NCOA2: variants seen among roughly 807,000 people sequenced by gnomAD.
NCOA2 encodes nuclear receptor coactivator 2, also known as class E basic helix-loop-helix protein 75.
Under a neutral mutation model 145.1 loss-of-function variants are expected in NCOA2, and 21 were observed. That is an observed-to-expected ratio of 0.14 (90% CI 0.10 to 0.21). The LOEUF (loss-of-function observed/expected upper bound fraction) is 0.21. NCOA2 is among the 10% of genes least tolerant of loss of function. The pLI is 1.00. For synonymous variants in NCOA2, 619 were observed against 637.5 expected (o/e 0.97, Z 0.44); for missense variants, 1,472 against 1,837.6 (o/e 0.80, Z 3.64).
At chr8:70,441,334 G>GT in the NCOA2 span, among the ~76,000 whole-genome samples, 5 of 137,094 alleles carry the variant, frequency 3.6e-5, no homozygotes, top group Admixed American at 3.8e-4. Flanking sequence ...GAGAAAGAAA[G>GT]AGGAAAGAAA....
chr8:70,355,896 T>C (rs1809643285), intron 1 of NCOA2, among the ~76,000 whole-genome samples: 1 of 152,214 alleles, frequency 6.6e-6, no homozygotes, highest in Non-Finnish European at 1.5e-5. Context: ...TTTCTCATAC[T>C]TCTACTTATA....
intron 1 of NCOA2, among the ~76,000 whole-genome samples, chr8:70,341,938 C>G (rs1002653803): frequency 6.6e-6 from 1 of 152,188 alleles, no homozygotes; most frequent in Non-Finnish European, 1.5e-5. Context: ...ATACACATCT[C>G]TTTTTATCTA....
chr8:70,261,107 T>C (rs1824081865), intron 2 of NCOA2, among the ~76,000 whole-genome samples: 1 of 152,220 alleles, frequency 6.6e-6, no homozygotes, highest in South Asian at 2.1e-4. Flanking sequence ...ACTGGGCATA[T>C]ACCCAAAGGA....
intron 18 of NCOA2, 37 bp from the exon 19 acceptor site, chr8:70,127,084 G>A (rs771213504): frequency 1.8e-5 from 26 of 1,440,456 alleles, no homozygotes; most frequent in Non-Finnish European, 2.5e-5. Context: ...AAAATGTCGG[G>A]GACAGACATA....
intron 2 of NCOA2, among the ~76,000 whole-genome samples, chr8:70,270,555 C>T (rs567063401): frequency 2.0e-5 from 3 of 146,904 alleles, no homozygotes; most frequent in East Asian, 2.0e-4. Context: ...GTGCTGTAGT[C>T]GGGGTGGCTG....
intron 2 of NCOA2, among the ~76,000 whole-genome samples, chr8:70,284,839 GAGGGAGA>G (rs555064786): frequency 3.4e-5 from 5 of 146,988 alleles, no homozygotes; most frequent in Non-Finnish European, 6.0e-5. Context: ...AGACAGGAGA[GAGGGAGA>G]AGGGAGAAGG....
rs1163131953 is a variant in NCOA2 at position 70,156,492 on chromosome 8, T to G, written c.1873A>C (p.Arg625=). The change falls in exon 11 of 23, where the codon AGA becomes CGA. Residue 625 remains arginine (R), a synonymous_variant. Transcript: ENST00000452400. Reference sequence around the variant, plus strand: ...TGCAGTCTGCTCTGCCCGTCAGCTCTCTCACTGCTCACGGCCGGGGGCAGG... The same window carrying G: ...TGCAGTCTGCTCTGCCCGTCAGCTCGCTCACTGCTCACGGCCGGGGGCAGG... The part of the protein sequence containing the change: ...PNLPPAVSSE[R]ADGQSRLHDS... 2 of 1,613,914 alleles carry G rather than the reference T, an allele frequency of 1.2e-6. No homozygotes were observed. Among genetic ancestry groups the G allele is most frequent in the South Asian group, 2.2e-5 (2 of 91,078 alleles).
At chr8:70,285,747 A>G (rs1826187770) in intron 2 of NCOA2, among the ~76,000 whole-genome samples, 1 of 152,206 alleles carries the variant, frequency 6.6e-6, no homozygotes, top group Non-Finnish European at 1.5e-5. Context: ...ATGCACTATC[A>G]TTGCTCCAGA....
At position 70,212,066 on chromosome 8, in the gene NCOA2, C is replaced by CATATAT. The variant is rs36215324; in HGVS notation, c.259+1831_259+1836dup. ...CTTGTGCAAGACCTTCTTTGTGGCGCATATATATATATATATATATATATA... is the reference window on the plus strand; with the variant it reads ...CTTGTGCAAGACCTTCTTTGTGGCGCATATATATATATATATATATATATATATATA... On this transcript the variant is annotated intron_variant, in intron 4 of 22. Coordinates refer to ENST00000452400, the MANE Select transcript of NCOA2 (RefSeq NM_006540.4). Among the ~76,000 whole-genome samples, 625 of 144,318 alleles carry CATATAT rather than the reference C, an allele frequency of 4.3e-3. 10 individuals are homozygous for CATATAT. In the East Asian group the frequency reaches 0.062, roughly 14 times the overall value. The allele number at this position is 144,318 out of a possible 152,430, so 94.7% of individuals were successfully genotyped here.
intron 1 of NCOA2, among the ~76,000 whole-genome samples, chr8:70,340,514 A>G (rs569035906): frequency 6.6e-6 from 1 of 152,316 alleles, no homozygotes; most frequent in South Asian, 2.1e-4. Context: ...AATTAGTTCA[A>G]CCATTGTGGA....
chr8:70,349,214 A>T (rs140253232), intron 1 of NCOA2, among the ~76,000 whole-genome samples: 7 of 152,212 alleles, frequency 4.6e-5, no homozygotes, highest in African/African-American at 1.7e-4. Flanking sequence ...ATCAAGCAAA[A>T]ACAAACAAAA....
intron 2 of NCOA2, among the ~76,000 whole-genome samples, chr8:70,274,502 T>A (rs970786392): frequency 6.6e-6 from 1 of 152,192 alleles, no homozygotes; most frequent in East Asian, 1.9e-4. Context: ...GTTATTTTTT[T>A]AAACTAATTA....
At chr8:70,169,501 C>T (rs891833035) in intron 6 of NCOA2, among the ~76,000 whole-genome samples, 4 of 152,198 alleles carry the variant, frequency 2.6e-5, no homozygotes, top group Admixed American at 6.5e-5. Context: ...ACTCAAAATA[C>T]GCTGAATCTC....
At chr8:70,170,448 G>A in intron 5 of NCOA2, 69 bp from the exon 6 acceptor site, 1 of 1,295,556 alleles carries the variant, frequency 7.7e-7, no homozygotes, top group Non-Finnish European at 1.0e-6. Flanking sequence ...GTTAAGAAGG[G>A]AATGATCCCT....
chr8:70,388,578 G>A (rs570900817), intron 1 of NCOA2, among the ~76,000 whole-genome samples: 9 of 152,198 alleles, frequency 5.9e-5, no homozygotes, highest in Non-Finnish European at 1.2e-4. Context: ...TTCCCTAAGC[G>A]TAAGGTCTTC....
At chr8:70,155,608 T>C (rs1195168834) in intron 11 of NCOA2, among the ~76,000 whole-genome samples, 1 of 152,232 alleles carries the variant, frequency 6.6e-6, no homozygotes, top group Non-Finnish European at 1.5e-5. Context: ...AATTTCAGTG[T>C]CTATAAGCAA....
Position 70,221,998 on chromosome 8 carries a change from C to T in NCOA2, c.-19-5234G>A, listed in dbSNP as rs1001747202. On this transcript the variant is annotated intron_variant, in intron 2 of 22. Transcript: ENST00000452400. Reference sequence around the variant, plus strand: ...TACTAGATCATAAGGGCTCTTTTAACGTCATCTTTACGTAATACTGTAGTG... The same window carrying T: ...TACTAGATCATAAGGGCTCTTTTAATGTCATCTTTACGTAATACTGTAGTG... 1.2e-4 allele frequency among the ~76,000 whole-genome samples: 19 copies of T among 152,042 alleles called. 1 individual carries two copies. Among genetic ancestry groups the T allele is most frequent in the Non-Finnish European group, 1.9e-4 (13 of 67,996 alleles).
At chr8:70,260,149 A>G (rs574960304) in intron 2 of NCOA2, among the ~76,000 whole-genome samples, 10 of 152,268 alleles carry the variant, frequency 6.6e-5, no homozygotes, top group African/African-American at 2.4e-4. Flanking sequence ...GTATGAATAT[A>G]TGCTTAGACA....
At chr8:70,354,968 T>C (rs1464715844) in intron 1 of NCOA2, among the ~76,000 whole-genome samples, 1 of 152,214 alleles carries the variant, frequency 6.6e-6, no homozygotes, top group Non-Finnish European at 1.5e-5. Flanking sequence ...ATTAAAGGTG[T>C]TTTGGCACAG....
Sources: gnomAD v4.1 joint callset for allele counts (sites outside exome capture counted in the v4.1 genomes callset) on GRCh38, gnomAD v4.1.1 for gene constraint, MANE v1.5 for transcripts, NCBI Gene and HGNC (gene_info 2026-07-23, HGNC 2026-07-21) for gene names.